Variants in SEC24B observed in about 807,000 individuals in gnomAD.
The protein encoded by SEC24B is SEC24 homolog B, COPII component.
A neutral mutation model predicts 142.8 loss-of-function variants in SEC24B; 45 were observed. That is an observed-to-expected ratio of 0.32 (90% CI 0.25 to 0.40). The LOEUF (loss-of-function observed/expected upper bound fraction) is 0.40, where lower values mean the gene tolerates loss of function less well. Ranked by LOEUF, SEC24B falls within the 10% of genes least tolerant of loss-of-function variation. The pLI is 1.00. For synonymous variants in SEC24B, 574 were observed against 568.2 expected, an observed-to-expected ratio of 1.01 and a Z score of -0.15; for missense variants, 1,409 against 1,526.8, an observed-to-expected ratio of 0.92 and a Z score of 1.29.
chr4:109,511,921 CT>C, intron 8 of SEC24B, 35 bp from the exon 9 acceptor site: 1 of 1,605,802 alleles, frequency 6.2e-7, no homozygotes, highest in Admixed American at 1.7e-5. Context: ...CTTGGGGTGC[CT>C]TTTTCTGCTA....
chr4:109,510,150 G>A (rs746102912), intron 8 of SEC24B, 39 bp downstream of exon 8: 6 of 1,045,014 alleles, frequency 5.7e-6, no homozygotes, highest in African/African-American at 1.6e-5. Context: ...GTACTGACAT[G>A]TATGCTTATG....
At chr4:109,458,281 G>A (rs1444644757) in intron 1 of SEC24B, among the ~76,000 whole-genome samples, 2 of 151,928 alleles carry the variant, frequency 1.3e-5, no homozygotes, top group Non-Finnish European at 1.5e-5. Flanking sequence ...TTCATTTACT[G>A]GTAACATTTT....
Position 109,539,630 on chromosome 4 carries a change from T to C in SEC24B, c.3762T>C (p.Ser1254=), listed in dbSNP as rs377272670. Residue 1254 remains serine (S), a synonymous_variant, in exon 24 of 24, where the codon TCT becomes TCC. Coordinates refer to ENST00000265175, the MANE Select transcript of SEC24B (RefSeq NM_006323.5). ...AAGACCGGACAGAGGCTGCATTTTC[T>C]TACTATGAATTTTTGCTTCATGTTC... ...LIEDRTEAAF[S]YYEFLLHVQQ... 1.2e-6 allele frequency: 2 copies of C among 1,613,952 alleles called. No homozygotes were observed. Among genetic ancestry groups the C allele is most frequent in the Non-Finnish European group, 1.7e-6 (2 of 1,179,896 alleles).
intron 1 of SEC24B, among the ~76,000 whole-genome samples, chr4:109,448,018 A>G (rs1038119648): frequency 2.6e-5 from 4 of 152,214 alleles, no homozygotes; most frequent in Admixed American, 6.5e-5. Context: ...ATTCTTCTGT[A>G]GTCACATCTC....
chr4:109,515,887 C>G (rs936967109), intron 10 of SEC24B, among the ~76,000 whole-genome samples: 5 of 146,800 alleles, frequency 3.4e-5, no homozygotes, highest in African/African-American at 9.8e-5. Flanking sequence ...CCATCTCTAC[C>G]AAATACAAAA....
chr4:109,452,351 G>A (rs1730198233), intron 1 of SEC24B, among the ~76,000 whole-genome samples: 1 of 152,166 alleles, frequency 6.6e-6, no homozygotes, highest in African/African-American at 2.4e-5. Flanking sequence ...TGTTTCCAGT[G>A]TTTGGTAGTT....
intron 19 of SEC24B, among the ~76,000 whole-genome samples, chr4:109,530,728 C>A (rs543274547): frequency 6.6e-6 from 1 of 151,536 alleles, no homozygotes; most frequent in East Asian, 2.0e-4. Flanking sequence ...ATAGTGAAAC[C>A]CCGCCTCTAC....
At chr4:109,471,299 A>G (rs1293095465) in intron 2 of SEC24B, among the ~76,000 whole-genome samples, 1 of 151,806 alleles carries the variant, frequency 6.6e-6, no homozygotes, top group Non-Finnish European at 1.5e-5. Flanking sequence ...GCGCACCACC[A>G]TGCCCGACTA....
chr4:109,513,100 G>A lies in SEC24B; in HGVS notation c.1904-647G>A, dbSNP rs1292311784. 4.0e-5 allele frequency among the ~76,000 whole-genome samples: 6 copies of A among 148,964 alleles called. No homozygotes were observed. The East Asian group carries it at 5.9e-4, about 15-fold the overall frequency. ...AGCAATTCTTCTGCCTCAGCCTCCC[G>A]AGTAGCTGGGACTACAGGTGTCTGC... is the stretch of plus-strand genomic sequence containing the variant. On this transcript the variant is annotated intron_variant, in intron 9 of 23. Coordinates refer to ENST00000265175, the MANE Select transcript of SEC24B (RefSeq NM_006323.5).
rs532554970 is a variant in SEC24B, at chr4:109,533,737, T to C, written c.3588+52T>C. 89 of 1,072,312 alleles carry C rather than the reference T, an allele frequency of 8.3e-5. No individual in the cohort carries two copies. The East Asian group carries it at 2.0e-3, about 24-fold the overall frequency. 66.4% of individuals were successfully genotyped at this position (1,072,312 alleles called of 1,614,324 possible). ...TTTTTGTTTGCTCATTTTTTTTTAT[T>C]GATGTAAAATTCATGTAATATTCAC... is the stretch of plus-strand genomic sequence containing the variant. On this transcript the variant is annotated intron_variant, in intron 22 of 23. Coordinates refer to ENST00000265175, the MANE Select transcript of SEC24B (RefSeq NM_006323.5).
chr4:109,514,894 A>C (rs1423165503), intron 10 of SEC24B, among the ~76,000 whole-genome samples: 1 of 151,736 alleles, frequency 6.6e-6, no homozygotes. Context: ...CCTAACTACC[A>C]TTTTCATGTT....
intron 1 of SEC24B, among the ~76,000 whole-genome samples, chr4:109,444,067 A>G (rs1458690371): frequency 1.3e-5 from 2 of 152,006 alleles, no homozygotes; most frequent in Non-Finnish European, 1.5e-5. Flanking sequence ...TACTAAAAAT[A>G]CAAAACTAGC....
intron 9 of SEC24B, among the ~76,000 whole-genome samples, chr4:109,513,437 C>T (rs1737592316): frequency 6.6e-6 from 1 of 152,012 alleles, no homozygotes; most frequent in South Asian, 2.1e-4. Flanking sequence ...GCGCACACCA[C>T]TATGCCTGGC....
chr4:109,473,819 A>G (rs1339003239), intron 3 of SEC24B, among the ~76,000 whole-genome samples: 1 of 152,188 alleles, frequency 6.6e-6, no homozygotes, highest in East Asian at 1.9e-4. Context: ...CTAAAATTCC[A>G]AAGTATTGAT....
At chr4:109,484,680 G>T (rs1007721434) in intron 4 of SEC24B, among the ~76,000 whole-genome samples, 4 of 151,970 alleles carry the variant, frequency 2.6e-5, no homozygotes, top group Admixed American at 6.6e-5. Context: ...GTGAAACTCT[G>T]TCTCTACTAA....
In SEC24B at chr4:109,524,753, TAAAAA is replaced by T; in HGVS notation, c.2509-64_2509-60del. On this transcript the variant is annotated intron_variant, in intron 14 of 23. Coordinates refer to ENST00000265175, the MANE Select transcript of SEC24B (RefSeq NM_006323.5). ...GAGGCAGAGGATATCCTTTTTGTTATAAAAATGACATGAAAATATGAGCATAAAGA... is the reference window on the plus strand; with the variant it reads ...GAGGCAGAGGATATCCTTTTTGTTATTGACATGAAAATATGAGCATAAAGA... 2.0e-6 allele frequency: 3 copies of T among 1,489,020 alleles called. No individual in the cohort carries two copies. In the Admixed American group the frequency reaches 6.2e-5, roughly 31 times the overall value. The allele number at this position is 1,489,020 out of a possible 1,614,324, so 92.2% of individuals were successfully genotyped here.
Position 109,506,320 on chromosome 4 carries a change from T to A in SEC24B, c.1489-8T>A, listed in dbSNP as rs756725358. ...GTTCTTTTATTTTGTTTTGAATTGC[T>A]CTTTCAGCAGTATCCTGGTGTGAAC... is the stretch of plus-strand genomic sequence containing the variant. On this transcript the variant is annotated splice_region_variant and splice_polypyrimidine_tract_variant and intron_variant, in intron 6 of 23. Transcript: ENST00000265175. 1 of 1,511,502 alleles carries A rather than the reference T, an allele frequency of 6.6e-7. No individual in the cohort carries two copies. The highest frequency in any genetic ancestry group is 8.8e-7 in the Non-Finnish European group (1 of 1,133,654). 93.6% of individuals were successfully genotyped at this position (1,511,502 alleles called of 1,614,324 possible). A position where few individuals can be genotyped will look rare whatever the true frequency, so the allele number is the denominator to read the frequency against.
intron 1 of SEC24B, among the ~76,000 whole-genome samples, chr4:109,444,256 G>T (rs1729221696): frequency 6.6e-6 from 1 of 151,754 alleles, no homozygotes; most frequent in Non-Finnish European, 1.5e-5. Context: ...AATTATGTTG[G>T]GGCTGCTAAT....
rs189341445 is a variant in SEC24B at position 109,514,821 on chromosome 4, G to A, written c.2013+965G>A. Among the ~76,000 whole-genome samples, 506 of 152,258 alleles carry A rather than the reference G, an allele frequency of 3.3e-3. 4 individuals are homozygous for A. The highest frequency in any genetic ancestry group is 0.011 in the African/African-American group (462 of 41,550). On this transcript the variant is annotated intron_variant, in intron 10 of 23. Coordinates refer to ENST00000265175, the MANE Select transcript of SEC24B (RefSeq NM_006323.5). The stretch of plus-strand genomic sequence containing the variant: ...AAGCGATGTGCATTAAATTTTTGGC[G>A]CCTGGCTCATCTTTATTTTTGTAAT...
Sources: gnomAD v4.1 joint callset for allele counts (sites outside exome capture counted in the v4.1 genomes callset) on GRCh38, gnomAD v4.1.1 for gene constraint, MANE v1.5 for transcripts, NCBI Gene and HGNC (gene_info 2026-07-23, HGNC 2026-07-21) for gene names.